The following NBAS variants were observed in gnomAD, a reference collection of about 807,000 sequenced individuals.
NBAS encodes the protein NAG/BC035112 fusion.
Under a neutral mutation model 302.5 loss-of-function variants are expected in NBAS, and 219 were observed. The ratio of observed to expected loss-of-function variants is 0.72; its 90% CI spans 0.65 to 0.81. The LOEUF (loss-of-function observed/expected upper bound fraction) is 0.81. Ranked by LOEUF, NBAS falls within the 30% of genes least tolerant of loss-of-function variation. NBAS has a pLI of 0.00. For missense variants in NBAS, 2,932 were observed against 2,841.6 expected (o/e 1.03, Z -0.72); for synonymous variants, 1,118 against 1,021.6 (o/e 1.09, Z -1.80).
At chr2:15,525,500 T>C (rs566388636) in intron 9 of NBAS, among the ~76,000 whole-genome samples, 11 of 152,318 alleles carry the variant, frequency 7.2e-5, no homozygotes, top group African/African-American at 2.2e-4. Context: ...ATTTTTAAAA[T>C]TTTCTATAGA....
chr2:15,092,413 C>T, the NBAS span, among the ~76,000 whole-genome samples: 13 of 152,262 alleles, frequency 8.5e-5, no homozygotes, highest in African/African-American at 3.1e-4. Flanking sequence ...ATGTGAATCA[C>T]AAGGAGTATT....
At chr2:15,276,078 G>A (rs1669570778) in intron 43 of NBAS, among the ~76,000 whole-genome samples, 1 of 152,140 alleles carries the variant, frequency 6.6e-6, no homozygotes, top group Non-Finnish European at 1.5e-5. Context: ...GTACCCTAGA[G>A]ATGACAATAT....
chr2:15,329,620 G>A (rs931651158), intron 36 of NBAS, among the ~76,000 whole-genome samples: 1 of 152,108 alleles, frequency 6.6e-6, no homozygotes, highest in Non-Finnish European at 1.5e-5. Context: ...TCAATGATGG[G>A]CCTCCCCACC....
intron 46 of NBAS, among the ~76,000 whole-genome samples, chr2:15,233,068 C>T (rs746111490): frequency 3.3e-5 from 5 of 152,064 alleles, no homozygotes; most frequent in African/African-American, 4.8e-5. Context: ...ATGAGTTTTT[C>T]GAATAATTTA....
intron 47 of NBAS, among the ~76,000 whole-genome samples, chr2:15,222,953 C>A (rs539987126): frequency 2.6e-5 from 4 of 152,316 alleles, no homozygotes; most frequent in African/African-American, 9.6e-5. Flanking sequence ...AAGGAACATG[C>A]TCTCATTTTG....
At chr2:15,274,918 C>G (rs2148053017) in intron 44 of NBAS, among the ~76,000 whole-genome samples, 1 of 152,006 alleles carries the variant, frequency 6.6e-6, no homozygotes, top group South Asian at 2.1e-4. Context: ...GTGCATACCA[C>G]CACACCCAGG....
chr2:15,478,727 T>C (rs1430518483), intron 12 of NBAS, among the ~76,000 whole-genome samples: 2 of 152,192 alleles, frequency 1.3e-5, no homozygotes, highest in Non-Finnish European at 2.9e-5. Flanking sequence ...TGTTACCTCC[T>C]AGTCCTTTTT....
chr2:15,329,055 T>C (rs944414917), intron 36 of NBAS, among the ~76,000 whole-genome samples: 1 of 152,198 alleles, frequency 6.6e-6, no homozygotes, highest in Non-Finnish European at 1.5e-5. Flanking sequence ...TTACCAGCAC[T>C]GCAGAGTAGC....
chr2:15,460,052 T>C (rs957383990), intron 21 of NBAS, among the ~76,000 whole-genome samples: 1 of 152,130 alleles, frequency 6.6e-6, no homozygotes, highest in Non-Finnish European at 1.5e-5. Context: ...TTGACCATCA[T>C]CATTAATACC....
the NBAS span, among the ~76,000 whole-genome samples, chr2:14,923,898 AG>A: frequency 6.6e-6 from 1 of 152,146 alleles, no homozygotes; most frequent in African/African-American, 2.4e-5. Flanking sequence ...AGTAGTTTGA[AG>A]GAAAAGGACG....
intron 23 of NBAS, among the ~76,000 whole-genome samples, chr2:15,418,870 GCAGCTGAT>G (rs1302009277): frequency 6.6e-6 from 1 of 152,208 alleles, no homozygotes; most frequent in Non-Finnish European, 1.5e-5. Context: ...TAAGGAACAC[GCAGCTGAT>G]CAGGAAGGCA....
intron 50 of NBAS, among the ~76,000 whole-genome samples, chr2:15,186,109 C>CACAT (rs780674526): frequency 0.032 from 4,671 of 144,916 alleles, 239 homozygotes; most frequent in African/African-American, 0.11. Flanking sequence ...CACACACACA[C>CACAT]ATATGTGTAT....
At chr2:14,889,847 T>C in the NBAS span, among the ~76,000 whole-genome samples, 19,448 of 152,134 alleles carry the variant, frequency 0.13, 2,412 homozygotes, top group African/African-American at 0.32. Flanking sequence ...CTGGACAAAG[T>C]AGATGATCAA....
the NBAS span, among the ~76,000 whole-genome samples, chr2:14,973,397 C>T: frequency 9.9e-5 from 15 of 152,142 alleles, no homozygotes; most frequent in African/African-American, 3.6e-4. Context: ...TCCAGGAATA[C>T]TTTAAGAAGT....
the NBAS span, among the ~76,000 whole-genome samples, chr2:15,158,098 A>T: frequency 6.6e-6 from 1 of 152,116 alleles, no homozygotes; most frequent in Non-Finnish European, 1.5e-5. Context: ...CACTGATTCC[A>T]ATGACCTTAT....
At chr2:15,205,784 CCT>C (rs954198061) in intron 48 of NBAS, among the ~76,000 whole-genome samples, 13 of 152,198 alleles carry the variant, frequency 8.5e-5, no homozygotes, top group Admixed American at 2.6e-4. Flanking sequence ...CCTTCCACCC[CCT>C]CTCTCTCCTG....
chr2:15,489,536 A>T (rs966295167), intron 11 of NBAS, among the ~76,000 whole-genome samples: 18 of 152,204 alleles, frequency 1.2e-4, no homozygotes, highest in Non-Finnish European at 1.8e-4. Context: ...ACAGAAGAAG[A>T]TAAAGAGGAA....
the NBAS span, among the ~76,000 whole-genome samples, chr2:15,127,517 C>A: frequency 2.0e-5 from 3 of 151,998 alleles, no homozygotes; most frequent in Non-Finnish European, 2.9e-5. Flanking sequence ...CTACTGAGGC[C>A]TGGCAAGGAA....
chr2:15,423,430 T>C lies in NBAS; in HGVS notation c.2577+885A>G, dbSNP rs558639295. ...GCAGAAATTCAAGAAATCTATCATG[T>C]GGAAGCACATGGGTCATGCTAGATA... On this transcript the variant is annotated intron_variant, in intron 23 of 51. Coordinates refer to ENST00000281513, the MANE Select transcript of NBAS (RefSeq NM_015909.4). Among the ~76,000 whole-genome samples, 111 of 152,282 alleles carry C rather than the reference T, an allele frequency of 7.3e-4. 1 individual carries two copies. Among genetic ancestry groups the C allele is most frequent in the African/African-American group, 2.4e-3 (101 of 41,550 alleles).
Sources: gnomAD v4.1 joint callset for allele counts (sites outside exome capture counted in the v4.1 genomes callset) on GRCh38, gnomAD v4.1.1 for gene constraint, MANE v1.5 for transcripts, NCBI Gene and HGNC (gene_info 2026-07-23, HGNC 2026-07-21) for gene names.